NFIB: variants seen among roughly 807,000 people sequenced by gnomAD.
NFIB encodes nuclear factor 1 B-type.
Under a neutral mutation model 61.5 loss-of-function variants are expected in NFIB, and 11 were observed. The ratio of observed to expected loss-of-function variants is 0.18; its 90% confidence interval spans 0.11 to 0.30. The LOEUF is 0.30. NFIB is among the 10% of genes least tolerant of loss of function. NFIB has a pLI of 1.00. For synonymous variants in NFIB, 260 were observed against 216.5 expected (o/e 1.20, Z -1.76); for missense variants, 471 against 608.9 (o/e 0.77, Z 2.38).
chr9:14,507,603 T>G, the NFIB span, among the ~76,000 whole-genome samples: 1 of 152,208 alleles, frequency 6.6e-6, no homozygotes, highest in Non-Finnish European at 1.5e-5. Context: ...CTGTTTAAAC[T>G]GGTATTCTCC....
intron 1 of NFIB, among the ~76,000 whole-genome samples, chr9:14,387,344 C>G (rs1311992188): frequency 6.6e-6 from 1 of 152,280 alleles, no homozygotes; most frequent in African/African-American, 2.4e-5. Flanking sequence ...ACTATGCAAC[C>G]ATGAGCCTCA....
chr9:14,261,823 T>C (rs1409469358), intron 2 of NFIB, among the ~76,000 whole-genome samples: 1 of 152,190 alleles, frequency 6.6e-6, no homozygotes, highest in Non-Finnish European at 1.5e-5. Context: ...TTACATGCTA[T>C]GAGCTCAGTT....
At chr9:14,437,279 T>C in the NFIB span, among the ~76,000 whole-genome samples, 16 of 152,236 alleles carry the variant, frequency 1.1e-4, no homozygotes, top group Non-Finnish European at 2.2e-4. Flanking sequence ...GAGAATCTTA[T>C]AGCTATTATA....
chr9:14,129,881 C>A (rs1362953161), intron 6 of NFIB, among the ~76,000 whole-genome samples: 2 of 152,032 alleles, frequency 1.3e-5, no homozygotes, highest in African/African-American at 4.8e-5. Flanking sequence ...AAAAGAGATG[C>A]AAAATGATAG....
chr9:14,395,903 G>T (rs756230484), intron 1 of NFIB, among the ~76,000 whole-genome samples: 1 of 151,582 alleles, frequency 6.6e-6, no homozygotes, highest in Non-Finnish European at 1.5e-5. Context: ...GGTGTGGGTG[G>T]GGGTGGGGAT....
At chr9:14,225,683 C>A (rs985195394) in intron 2 of NFIB, among the ~76,000 whole-genome samples, 1 of 151,708 alleles carries the variant, frequency 6.6e-6, no homozygotes, top group African/African-American at 2.4e-5. Context: ...GTAAGTTTTC[C>A]AGCATAGGCA....
chr9:14,196,409 T>G (rs183825515), intron 2 of NFIB, among the ~76,000 whole-genome samples: 252 of 152,278 alleles, frequency 1.7e-3, no homozygotes, highest in Non-Finnish European at 2.9e-3. Context: ...TAAATGTGGG[T>G]TATTTCTGAT....
At chr9:14,353,889 GACAGGACAATGCC>G (rs2061144527) in intron 1 of NFIB, among the ~76,000 whole-genome samples, 1 of 145,172 alleles carries the variant, frequency 6.9e-6, no homozygotes, top group African/African-American at 2.6e-5. Context: ...AATTGAGGCT[GACAGGACAATGCC>G]TGTTTAGAAG....
At chr9:14,400,861 C>T (rs2061736122), upstream of NFIB, among the ~76,000 whole-genome samples, 1 of 152,174 alleles carries the variant, frequency 6.6e-6, no homozygotes, top group Non-Finnish European at 1.5e-5. Flanking sequence ...GGTGATATTG[C>T]ATCACTGGCG....
chr9:14,248,304 C>T (rs956246794), intron 2 of NFIB, among the ~76,000 whole-genome samples: 7 of 151,170 alleles, frequency 4.6e-5, no homozygotes, highest in Admixed American at 2.6e-4. Flanking sequence ...CTCTCCTCCA[C>T]TCCCCTCCCC....
At chr9:14,438,045 C>A in the NFIB span, among the ~76,000 whole-genome samples, 4 of 149,208 alleles carry the variant, frequency 2.7e-5, no homozygotes, top group Non-Finnish European at 5.9e-5. Flanking sequence ...TATGTGCGTG[C>A]GTGTGCACGC....
At chr9:14,145,424 G>C (rs1333218932) in intron 6 of NFIB, among the ~76,000 whole-genome samples, 1 of 152,106 alleles carries the variant, frequency 6.6e-6, no homozygotes, top group Admixed American at 6.6e-5. Flanking sequence ...TTGACTCAAA[G>C]GCCAATGTCT....
chr9:14,289,955 T>A (rs919530219), intron 2 of NFIB, among the ~76,000 whole-genome samples: 1 of 152,044 alleles, frequency 6.6e-6, no homozygotes, highest in African/African-American at 2.4e-5. Context: ...ATAAATACCA[T>A]CACCTTGAAC....
the NFIB span, among the ~76,000 whole-genome samples, chr9:14,453,324 G>T: frequency 6.6e-6 from 1 of 152,164 alleles, no homozygotes; most frequent in African/African-American, 2.4e-5. Flanking sequence ...GATCAAATGA[G>T]ATTTCTGCCA....
At chr9:14,343,367 G>A (rs2060975774) in intron 1 of NFIB, among the ~76,000 whole-genome samples, 1 of 152,120 alleles carries the variant, frequency 6.6e-6, no homozygotes, top group African/African-American at 2.4e-5. Flanking sequence ...TTATGACTGA[G>A]GCTGCAGCTG....
intron 10 of NFIB, 91 bp from the exon 11 acceptor site, chr9:14,088,417 G>A (rs2033220799): frequency 7.9e-7 from 1 of 1,272,152 alleles, no homozygotes; most frequent in Non-Finnish European, 1.0e-6. Context: ...ATAAATTCCA[G>A]ATGCATCAAA....
intron 10 of NFIB, among the ~76,000 whole-genome samples, chr9:14,112,676 T>G (rs1173062090): frequency 2.0e-5 from 3 of 152,208 alleles, no homozygotes. Context: ...GTTTGCAGTT[T>G]TTGTCTTTGA....
At chr9:14,460,034 G>T in the NFIB span, among the ~76,000 whole-genome samples, 5 of 152,048 alleles carry the variant, frequency 3.3e-5, no homozygotes, top group Non-Finnish European at 7.4e-5. Flanking sequence ...ACCCAAAGGA[G>T]TATAAATCAT....
At chr9:14,111,064 A>C (rs1286021544) in intron 10 of NFIB, among the ~76,000 whole-genome samples, 3 of 152,146 alleles carry the variant, frequency 2.0e-5, no homozygotes, top group Non-Finnish European at 4.4e-5. Context: ...TTCACATTGT[A>C]AGTGGTCTCG....
Sources: allele counts gnomAD v4.1 joint callset (sites outside exome capture counted in the v4.1 genomes callset), GRCh38; gene constraint gnomAD v4.1.1; transcripts MANE v1.5; gene names NCBI Gene and HGNC (gene_info 2026-07-23, HGNC 2026-07-21).